RAP1GAP: variants seen among roughly 807,000 people sequenced by gnomAD.
The protein encoded by RAP1GAP is RAP1 GTPase activating protein.
RAP1GAP carries 35 observed loss-of-function variants against 87.2 expected under a neutral mutation model. That is an observed-to-expected ratio of 0.40 (90% confidence interval 0.31 to 0.53). The LOEUF is 0.53. Ranked by LOEUF, RAP1GAP falls within the 20% of genes least tolerant of loss-of-function variation. The pLI is 0.48. For synonymous variants in RAP1GAP, 375 were observed against 363.9 expected, an observed-to-expected ratio of 1.03 and a Z score of -0.35; for missense variants, 734 against 898.9, an observed-to-expected ratio of 0.82 and a Z score of 2.35.
intron 3 of RAP1GAP, among the ~76,000 whole-genome samples, chr1:21,624,766 G>A (rs78787106): frequency 0.011 from 1,660 of 152,294 alleles, 36 homozygotes; most frequent in African/African-American, 0.038. Flanking sequence ...CAGGAAGCCC[G>A]AGGGGAGGCA....
chr1:21,660,353 T>TGAGAGAGAGAGA (rs2097107332), intron 1 of RAP1GAP, among the ~76,000 whole-genome samples: 1 of 26,818 alleles, frequency 3.7e-5, no homozygotes, highest in Admixed American at 5.9e-4. Context: ...ATATATTTAT[T>TGAGAGAGAGAGA]GAGACAGTCT....
At chr1:21,639,611 G>A (rs138836520) in intron 2 of RAP1GAP, among the ~76,000 whole-genome samples, 230 of 152,292 alleles carry the variant, frequency 1.5e-3, no homozygotes, top group African/African-American at 4.3e-3. Context: ...GTGAAAGTAC[G>A]TCCTAAGCTA....
chr1:21,598,338 C>T (rs1646461781), intron 22 of RAP1GAP, 62 bp downstream of exon 22: 23 of 1,443,180 alleles, frequency 1.6e-5, no homozygotes, highest in Non-Finnish European at 2.2e-5. Context: ...TGGTGCCCAG[C>T]CCTGTCCCCC....
intron 2 of RAP1GAP, among the ~76,000 whole-genome samples, chr1:21,647,401 T>C (rs1213239265): frequency 6.6e-6 from 1 of 151,830 alleles, no homozygotes; most frequent in East Asian, 1.9e-4. Flanking sequence ...GAGGTGAAGG[T>C]TGCAGTGAGC....
At chr1:21,639,931 T>C (rs2095350843) in intron 2 of RAP1GAP, among the ~76,000 whole-genome samples, 1 of 152,016 alleles carries the variant, frequency 6.6e-6, no homozygotes, top group African/African-American at 2.4e-5. Context: ...TTGTGTCGCA[T>C]GTTTGGATCT....
chr1:21,659,481 C>A (rs554405883), intron 1 of RAP1GAP, among the ~76,000 whole-genome samples: 1 of 152,292 alleles, frequency 6.6e-6, no homozygotes, highest in Non-Finnish European at 1.5e-5. Flanking sequence ...CTCCCCGGCG[C>A]CAGGCGCCGC....
chr1:21,597,617 G>T, intron 24 of RAP1GAP, 69 bp downstream of exon 24: 1 of 1,392,360 alleles, frequency 7.2e-7, no homozygotes, highest in Non-Finnish European at 9.8e-7. Flanking sequence ...GAACAGGGAG[G>T]AATCAGCTCA....
At position 21,606,020 on chromosome 1, in the gene RAP1GAP, G is replaced by C. The variant is rs1570536924; in HGVS notation, c.1428+46C>G. The C allele has an allele frequency of 2.6e-6, 4 of 1,541,012 alleles. No homozygotes were observed. In the South Asian group the frequency reaches 4.7e-5, roughly 18 times the overall value. On this transcript the variant is annotated intron_variant, in intron 18 of 24. Transcript: ENST00000374765. ...CTCAGGAGGCAGAGGAGAGCTGAGG[G>C]CCCCCCAGGGAGGGGCCGGGGCCTG...
intron 2 of RAP1GAP, among the ~76,000 whole-genome samples, chr1:21,629,915 A>G (rs1385173999): frequency 6.6e-6 from 1 of 152,168 alleles, no homozygotes; most frequent in Non-Finnish European, 1.5e-5. Flanking sequence ...TGTACGTCCA[A>G]TCCTGTGGAC....
In RAP1GAP at chr1:21,613,096, A is replaced by G; in HGVS notation, c.528+80T>C. The G allele has an allele frequency of 7.2e-7, 1 of 1,392,784 alleles. No homozygotes were observed. Among genetic ancestry groups the G allele is most frequent in the Non-Finnish European group, 1.0e-6 (1 of 980,990 alleles). 86.3% of individuals were successfully genotyped at this position (1,392,784 alleles called of 1,614,324 possible). On this transcript the variant is annotated intron_variant, in intron 10 of 24. Coordinates refer to ENST00000374765, the MANE Select transcript of RAP1GAP (RefSeq NM_002885.4). The surrounding 1 kb of genome is among the most constrained non-coding windows in gnomAD (Gnocchi z 4.7). ...AGAGAACCTTGGGAAAGTATCTGGC[A>G]CACAGAAGGTGCTTAATAAATGCTC...
intron 2 of RAP1GAP, among the ~76,000 whole-genome samples, chr1:21,638,784 G>A (rs1485335116): frequency 6.6e-6 from 1 of 152,154 alleles, no homozygotes; most frequent in Non-Finnish European, 1.5e-5. Flanking sequence ...AGCTCCCTGA[G>A]CACCTGACTG....
At chr1:21,614,191 C>A in intron 7 of RAP1GAP, 102 bp from the exon 8 acceptor site, 1 of 735,574 alleles carries the variant, frequency 1.4e-6, no homozygotes, top group South Asian at 1.7e-5. Context: ...AGGTCCTTCG[C>A]CGATAGCAGG....
intron 2 of RAP1GAP, among the ~76,000 whole-genome samples, chr1:21,636,624 T>C (rs1239791995): frequency 6.6e-6 from 1 of 151,664 alleles, no homozygotes; most frequent in African/African-American, 2.4e-5. Context: ...CTGACCAACG[T>C]GGAGAAACCC....
At position 21,603,846 on chromosome 1, in the gene RAP1GAP, T is replaced by C; in HGVS notation, c.1429-933A>G. Reference sequence around the variant, plus strand: ...CCGCGGACGACAACCTCTTCCACGGTTCCTATGCCTATGGCACTGCCCCGG... The same window carrying C: ...CCGCGGACGACAACCTCTTCCACGGCTCCTATGCCTATGGCACTGCCCCGG... On this transcript the variant is annotated intron_variant, in intron 18 of 24. Transcript: ENST00000374765. The surrounding 1 kb of genome is among the most constrained non-coding windows in gnomAD (Gnocchi z 6.0). 1 of 1,608,502 alleles carries C rather than the reference T, an allele frequency of 6.2e-7. No individual in the cohort carries two copies. Among genetic ancestry groups the C allele is most frequent in the Non-Finnish European group, 8.5e-7 (1 of 1,177,752 alleles).
chr1:21,644,890 G>A, intron 2 of RAP1GAP, among the ~76,000 whole-genome samples: 1 of 117,364 alleles, frequency 8.5e-6, no homozygotes, highest in Non-Finnish European at 1.7e-5. Flanking sequence ...AACAGAGTGA[G>A]ACCCTGTCTC....
chr1:21,606,058 G>A lies in RAP1GAP; in HGVS notation c.1428+8C>T, dbSNP rs373966024. ...GGGCCGGGGCCTGGGGAGGGGGAGG[G>A]CACTCACTATTCCAGCCGCCTTGGC... On this transcript the variant is annotated splice_region_variant and intron_variant, in intron 18 of 24. Transcript: ENST00000374765. The A allele has an allele frequency of 2.2e-4, 341 of 1,574,720 alleles. 1 individual carries two copies. In the Middle Eastern group the frequency reaches 8.2e-3, roughly 38 times the overall value.
chr1:21,660,469 G>A (rs1571501099), intron 1 of RAP1GAP, among the ~76,000 whole-genome samples: 1 of 151,138 alleles, frequency 6.6e-6, no homozygotes, highest in South Asian at 2.1e-4. Flanking sequence ...GAGTAGCCGG[G>A]ACTACAGGCA....
chr1:21,628,207 A>G (rs1160668593), intron 2 of RAP1GAP, among the ~76,000 whole-genome samples: 1 of 152,040 alleles, frequency 6.6e-6, no homozygotes, highest in African/African-American at 2.4e-5. Context: ...GTACACTGAC[A>G]TGGGGAGAGT....
chr1:21,663,539 C>T (rs1227354532), intron 1 of RAP1GAP, among the ~76,000 whole-genome samples: 1 of 152,196 alleles, frequency 6.6e-6, no homozygotes, highest in Admixed American at 6.5e-5. Context: ...ACCGAGCTTG[C>T]AGGCAGGAAG....
Sources: allele counts gnomAD v4.1 joint callset (sites outside exome capture counted in the v4.1 genomes callset), GRCh38; gene constraint gnomAD v4.1.1; non-coding constraint Gnocchi (gnomAD v3.1); transcripts MANE v1.5; gene names NCBI Gene and HGNC (gene_info 2026-07-23, HGNC 2026-07-21).